SYNE1: variants seen among roughly 807,000 people sequenced by gnomAD.
SYNE1 encodes nesprin-1.
SYNE1 carries 616 observed loss-of-function variants against 1,111.0 expected under a neutral mutation model. The observed-to-expected ratio is 0.55, with a 90% CI of 0.52 to 0.59. SYNE1 has a LOEUF of 0.59. Among genes scored for constraint, SYNE1 ranks in the 20% least tolerant of loss-of-function variants. The probability of loss-of-function intolerance (pLI) is 0.00; values close to 1 mark genes in which losing one functional copy is unlikely to be tolerated. For synonymous variants in SYNE1, 3,855 were observed against 3,825.8 expected (o/e 1.01, Z -0.28); for missense variants, 10,006 against 10,417.0 (o/e 0.96, Z 1.72).
At chr6:152,504,452 T>G (rs918356230) in intron 9 of SYNE1, among the ~76,000 whole-genome samples, 1 of 151,786 alleles carries the variant, frequency 6.6e-6, no homozygotes, top group South Asian at 2.1e-4. Context: ...AAACAGAGAG[T>G]AGATTGGTGG....
chr6:152,175,792 T>C (rs1302205879), intron 130 of SYNE1, among the ~76,000 whole-genome samples: 1 of 152,180 alleles, frequency 6.6e-6, no homozygotes, highest in African/African-American at 2.4e-5. Flanking sequence ...CCCTCATATA[T>C]TTTTCTTTTT....
intron 3 of SYNE1, among the ~76,000 whole-genome samples, chr6:152,581,734 T>C (rs566762935): frequency 3.5e-4 from 54 of 152,266 alleles, no homozygotes; most frequent in Admixed American, 1.9e-3. Context: ...GGGGTTTTGT[T>C]AATATTGCAG....
In SYNE1 at chr6:152,390,595, AAT is replaced by A. The variant is rs1219586156; in HGVS notation, c.8005-145_8005-144del. On this transcript the variant is annotated intron_variant, in intron 52 of 145. Coordinates refer to ENST00000367255, the MANE Select transcript of SYNE1 (RefSeq NM_182961.4). The stretch of plus-strand genomic sequence containing the variant: ...AACAACAAACTCTGGGCCCTATTGC[AAT>A]ATAATATTGACTCAAAATTAGGTAT... 13 of 778,424 alleles carry A rather than the reference AAT, an allele frequency of 1.7e-5. No homozygotes were observed. The African/African-American group carries it at 2.1e-4, about 13-fold the overall frequency. 48.2% of individuals were successfully genotyped at this position (778,424 alleles called of 1,614,324 possible). A position where few individuals can be genotyped will look rare whatever the true frequency, so the allele number is the denominator to read the frequency against.
At chr6:152,179,767 C>T (rs1295267853) in intron 129 of SYNE1, among the ~76,000 whole-genome samples, 1 of 129,414 alleles carries the variant, frequency 7.7e-6, no homozygotes, top group African/African-American at 2.8e-5. Context: ...TCACTGCAAT[C>T]TCCGCCTTCT....
intron 3 of SYNE1, among the ~76,000 whole-genome samples, chr6:152,577,991 C>T (rs2099506030): frequency 6.6e-6 from 1 of 152,048 alleles, no homozygotes; most frequent in African/African-American, 2.4e-5. Flanking sequence ...TGATTTGATG[C>T]GGTGTTTTTG....
chr6:152,297,805 G>A (rs1434665538), intron 93 of SYNE1, among the ~76,000 whole-genome samples: 1 of 100,406 alleles, frequency 1.0e-5, no homozygotes, highest in East Asian at 2.4e-4. Flanking sequence ...GTGTGTGTGT[G>A]TGTGTGTGTG....
At chr6:152,211,176 C>T (rs1214105981) in intron 124 of SYNE1, among the ~76,000 whole-genome samples, 4 of 152,144 alleles carry the variant, frequency 2.6e-5, no homozygotes, top group African/African-American at 7.2e-5. Flanking sequence ...CATCTGTTTA[C>T]AAACCGTTGA....
chr6:152,501,384 A>G (rs1026179835), intron 10 of SYNE1, among the ~76,000 whole-genome samples: 1 of 152,204 alleles, frequency 6.6e-6, no homozygotes, highest in African/African-American at 2.4e-5. Context: ...AACACGAAAA[A>G]CATTTTTAAA....
rs1006310552 is a variant in SYNE1 at position 152,458,928 on chromosome 6, G to C, written c.2397C>G (p.Val799=). The C allele has an allele frequency of 1.2e-6, 2 of 1,613,758 alleles. No homozygotes were observed. The highest frequency in any genetic ancestry group is 4.5e-5 in the East Asian group (2 of 44,848). The part of the protein sequence containing the change: ...MSKLKEQLTK[V]KECYSPLLYE... ...AAAGGAGTGGGGAGTAACATTCTTTGACCTTTAAAAACATAAAGACAAAAA... is the reference window on the plus strand; with the variant it reads ...AAAGGAGTGGGGAGTAACATTCTTTCACCTTTAAAAACATAAAGACAAAAA... The change falls in exon 22 of 146, where the codon GTC becomes GTG. Residue 799 remains valine, a splice_region_variant and synonymous_variant. Coordinates refer to ENST00000367255, the MANE Select transcript of SYNE1 (RefSeq NM_182961.4).
At chr6:152,462,360 C>T (rs990629450) in intron 20 of SYNE1, among the ~76,000 whole-genome samples, 1 of 152,152 alleles carries the variant, frequency 6.6e-6, no homozygotes, top group African/African-American at 2.4e-5. Flanking sequence ...TCTTCCACTA[C>T]TTCATTTGTG....
At chr6:152,431,750 G>A (rs1490385559) in intron 34 of SYNE1, among the ~76,000 whole-genome samples, 1 of 152,158 alleles carries the variant, frequency 6.6e-6, no homozygotes, top group East Asian at 1.9e-4. Flanking sequence ...TTTCTGCCTA[G>A]TTGAGGCAAT....
At chr6:152,337,369 A>G (rs888820776) in intron 75 of SYNE1, among the ~76,000 whole-genome samples, 28 of 151,990 alleles carry the variant, frequency 1.8e-4, no homozygotes, top group Admixed American at 6.6e-5. Context: ...GGCTCACAGC[A>G]ATCTCTGCCT....
At position 152,398,740 on chromosome 6, in the gene SYNE1, A is replaced by G. The variant is rs1591882273; in HGVS notation, c.7238-9T>C. ...GAATTCCTGCATAGACTCTTTTGAA[A>G]GAAAAAATAAATAAATAAAAATAAA... On this transcript the variant is annotated splice_polypyrimidine_tract_variant and intron_variant, in intron 48 of 145. Transcript: ENST00000367255. 2 of 1,600,796 alleles carry G rather than the reference A, an allele frequency of 1.2e-6. No individual in the cohort carries two copies. The highest frequency in any genetic ancestry group is 3.3e-5 in the Admixed American group (2 of 59,836).
chr6:152,359,301 G>A lies in SYNE1; in HGVS notation c.10443+14C>T. ...CCCTTTTGGTGAGTCTACAAGGAAAGTGCTTTGCCGTACCTTGGCCCTCTC... is the reference window on the plus strand; with the variant it reads ...CCCTTTTGGTGAGTCTACAAGGAAAATGCTTTGCCGTACCTTGGCCCTCTC... On this transcript the variant is annotated intron_variant, in intron 65 of 145. Transcript: ENST00000367255. The A allele has an allele frequency of 7.4e-6, 12 of 1,613,506 alleles. No homozygotes were observed. Among genetic ancestry groups the A allele is most frequent in the African/African-American group, 1.3e-5 (1 of 75,038 alleles).
intron 10 of SYNE1, 49 bp from the exon 11 acceptor site, chr6:152,498,841 C>A: frequency 9.1e-7 from 1 of 1,098,110 alleles, no homozygotes; most frequent in Non-Finnish European, 1.3e-6. Context: ...AAATCAGGGT[C>A]AAAAATTATT....
chr6:152,325,226 G>T lies in SYNE1; in HGVS notation c.15515C>A (p.Thr5172Asn). 1 of 1,614,062 alleles carries T rather than the reference G, an allele frequency of 6.2e-7. No individual in the cohort carries two copies. Residue 5172 changes from threonine (T) to asparagine (N), a missense_variant, in exon 81 of 146, where the codon ACC becomes AAC. Physicochemically the swap from Thr to Asn is moderately conservative, Grantham distance 65. Around this residue, in one of 7 missense-constraint regions of SYNE1, gnomAD observed 4,955 missense variants for 5,017.2 expected, o/e 0.99. Coordinates refer to ENST00000367255, the MANE Select transcript of SYNE1 (RefSeq NM_182961.4). ...GGTGGCTTTGCTGGCATCATTTCCGGTTTTCTCCAGTTGTGAAGCTTTTTC... is the reference window on the plus strand; with the variant it reads ...GGTGGCTTTGCTGGCATCATTTCCGTTTTTCTCCAGTTGTGAAGCTTTTTC... ...LEEKASQLEK[T>N]GNDASKATLS...
chr6:152,566,631 A>C (rs1427213706), intron 3 of SYNE1, among the ~76,000 whole-genome samples: 2 of 152,210 alleles, frequency 1.3e-5, no homozygotes, highest in Non-Finnish European at 2.9e-5. Flanking sequence ...GATTATCAAC[A>C]GAGTGTGGAT....
intron 3 of SYNE1, among the ~76,000 whole-genome samples, chr6:152,543,619 C>T (rs566098022): frequency 5.3e-5 from 8 of 152,202 alleles, no homozygotes; most frequent in Non-Finnish European, 1.2e-4. Flanking sequence ...CTATAAAGTT[C>T]TTAAGTACAG....
chr6:152,148,433 T>C lies in SYNE1; in HGVS notation c.24643-55A>G. 2 of 1,554,326 alleles carry C rather than the reference T, an allele frequency of 1.3e-6. No homozygotes were observed. Among genetic ancestry groups the C allele is most frequent in the Non-Finnish European group, 1.8e-6 (2 of 1,138,646 alleles). On this transcript the variant is annotated intron_variant, in intron 136 of 145. Transcript: ENST00000367255. The surrounding 1 kb of genome is among the most constrained non-coding windows in gnomAD (Gnocchi z 4.1). ...CTGTAGTGGTCAGACTAGCTTCTTA[T>C]CTGGGCCACCTGCCTACCATGTGGG... is the stretch of plus-strand genomic sequence containing the variant.
Sources: allele counts gnomAD v4.1 joint callset (sites outside exome capture counted in the v4.1 genomes callset), GRCh38; gene constraint gnomAD v4.1.1; regional missense constraint gnomAD v4.1.1; non-coding constraint Gnocchi (gnomAD v3.1); transcripts MANE v1.5; gene names NCBI Gene and HGNC (gene_info 2026-07-23, HGNC 2026-07-21).